The following MPDZ variants were observed in gnomAD, a reference collection of about 807,000 sequenced individuals.
MPDZ encodes multiple PDZ domain protein.
Under a neutral mutation model 239.1 loss-of-function variants are expected in MPDZ, and 234 were observed. The ratio of observed to expected loss-of-function variants is 0.98; its 90% CI spans 0.88 to 1.09. The LOEUF (loss-of-function observed/expected upper bound fraction) is 1.09. Among genes scored for constraint, MPDZ ranks in the 50% least tolerant of loss-of-function variants. The pLI is 0.00. For synonymous variants in MPDZ, 1,048 were observed against 881.3 expected, an observed-to-expected ratio of 1.19 and a Z score of -3.35; for missense variants, 3,175 against 2,510.0, an observed-to-expected ratio of 1.26 and a Z score of -5.66.
intron 12 of MPDZ, among the ~76,000 whole-genome samples, chr9:13,199,399 T>C (rs1956112902): frequency 6.6e-6 from 1 of 152,076 alleles, no homozygotes; most frequent in African/African-American, 2.4e-5. Context: ...TAACCATTTT[T>C]GGTGAACTCC....
chr9:13,166,765 T>A (rs746750301), intron 22 of MPDZ, among the ~76,000 whole-genome samples: 1 of 151,950 alleles, frequency 6.6e-6, no homozygotes, highest in Non-Finnish European at 1.5e-5. Flanking sequence ...TTCTGCTGAA[T>A]CAGTGGGAGA....
At chr9:13,126,044 G>A (rs371632831) in intron 34 of MPDZ, among the ~76,000 whole-genome samples, 2 of 152,118 alleles carry the variant, frequency 1.3e-5, no homozygotes, top group South Asian at 4.1e-4. Flanking sequence ...TAAATAAAAG[G>A]CCTCAAATGA....
chr9:13,184,792 ATTCAT>A (rs1262442218), intron 18 of MPDZ, among the ~76,000 whole-genome samples: 2 of 152,110 alleles, frequency 1.3e-5, no homozygotes, highest in East Asian at 3.9e-4. Context: ...TTAACAATCA[ATTCAT>A]TTATTTACTG....
intron 31 of MPDZ, chr9:13,134,540 T>C (rs969412716): frequency 1.1e-4 from 16 of 152,132 alleles, no homozygotes; most frequent in Non-Finnish European, 2.2e-4. Context: ...GAAAGAATGT[T>C]TCTCTTCCTA....
At chr9:13,158,137 C>A in intron 23 of MPDZ, 27 bp from the exon 24 acceptor site, 3 of 1,565,988 alleles carry the variant, frequency 1.9e-6, no homozygotes, top group Non-Finnish European at 2.6e-6. Context: ...ACAATGAGTA[C>A]CCCAAAATCC....
chr9:13,135,951 G>C, intron 31 of MPDZ, 141 bp downstream of exon 31: 1 of 573,222 alleles, frequency 1.7e-6, no homozygotes, highest in Non-Finnish European at 3.1e-6. Context: ...TCTTATACTA[G>C]GATGTACACT....
intron 24 of MPDZ, among the ~76,000 whole-genome samples, chr9:13,151,064 A>G (rs548475613): frequency 6.6e-6 from 1 of 152,024 alleles, no homozygotes; most frequent in African/African-American, 2.4e-5. Flanking sequence ...TAACATCACT[A>G]AATATTATGG....
At chr9:13,185,916 C>A (rs1425490742) in intron 18 of MPDZ, among the ~76,000 whole-genome samples, 1 of 151,894 alleles carries the variant, frequency 6.6e-6, no homozygotes, top group African/African-American at 2.4e-5. Flanking sequence ...TTAAATACAG[C>A]CAAAACAGTG....
chr9:13,154,566 G>T (rs1236723871), intron 24 of MPDZ, among the ~76,000 whole-genome samples: 1 of 152,160 alleles, frequency 6.6e-6, no homozygotes, highest in Non-Finnish European at 1.5e-5. Flanking sequence ...TCTACACAGA[G>T]TTTCTGTGAG....
At chr9:13,216,960 A>G in intron 9 of MPDZ, 98 bp from the exon 10 acceptor site, 3 of 934,682 alleles carry the variant, frequency 3.2e-6, no homozygotes, top group Non-Finnish European at 1.6e-6. Context: ...TTCAGAATAA[A>G]TACGTATCAT....
At chr9:13,202,931 G>A (rs1162986688) in intron 12 of MPDZ, among the ~76,000 whole-genome samples, 1 of 152,168 alleles carries the variant, frequency 6.6e-6, no homozygotes, top group East Asian at 1.9e-4. Context: ...GAAGAAGGAT[G>A]TGGGAGGCAC....
rs200709180 is a variant in MPDZ at position 13,114,386 on chromosome 9, T to C, written c.5467-365A>G. 7.9e-5 allele frequency among the ~76,000 whole-genome samples: 12 copies of C among 152,196 alleles called. No homozygotes were observed. In the East Asian group the frequency reaches 2.3e-3, roughly 29 times the overall value. ...GGGCCAGCTAATAGGAAACTCATGG[T>C]AGTAATTTAGAAAGTTAGTATGGGG... On this transcript the variant is annotated intron_variant, in intron 40 of 46. Transcript: ENST00000319217.
At chr9:13,198,731 C>CTG (rs1402399099) in intron 12 of MPDZ, among the ~76,000 whole-genome samples, 9 of 4,438 alleles carry the variant, frequency 2.0e-3, no homozygotes, top group Middle Eastern at 0.25. Flanking sequence ...TCTTTAATCT[C>CTG]TCTCTCTGTG....
chr9:13,147,230 T>C (rs1291982183), intron 26 of MPDZ, among the ~76,000 whole-genome samples: 2 of 152,090 alleles, frequency 1.3e-5, no homozygotes, highest in Non-Finnish European at 2.9e-5. Context: ...ACCTGAATTA[T>C]GATGCCACAT....
chr9:13,256,418 C>T (rs1227736933), intron 1 of MPDZ, among the ~76,000 whole-genome samples: 5 of 152,216 alleles, frequency 3.3e-5, no homozygotes, highest in Admixed American at 3.3e-4. Flanking sequence ...ACTTAGCTTT[C>T]AGCCTATCTC....
rs1005799919 is a variant in MPDZ at position 13,188,766 on chromosome 9, T to G, written c.2364+18A>C. On this transcript the variant is annotated intron_variant, in intron 17 of 46. Coordinates refer to ENST00000319217, the MANE Select transcript of MPDZ (RefSeq NM_001378778.1). ...TGCTTATAAATATAAAGGGAAGCAA[T>G]AAAGTCTGAATTCTTACGGGTAAAG... The G allele has an allele frequency of 1.2e-6, 2 of 1,602,218 alleles. No homozygotes were observed. The highest frequency in any genetic ancestry group is 2.7e-5 in the African/African-American group (2 of 74,604).
intron 1 of MPDZ, among the ~76,000 whole-genome samples, chr9:13,278,300 T>C (rs897261592): frequency 6.6e-6 from 1 of 152,060 alleles, no homozygotes; most frequent in Non-Finnish European, 1.5e-5. Flanking sequence ...AAAAAGGCAG[T>C]CAGTGCCCAT....
chr9:13,136,060 T>C, intron 31 of MPDZ, 32 bp downstream of exon 31: 1 of 1,393,656 alleles, frequency 7.2e-7, no homozygotes. Flanking sequence ...CAATCAAGTC[T>C]TCCCAGAGAA....
chr9:13,206,668 C>T (rs567656859), intron 10 of MPDZ, among the ~76,000 whole-genome samples: 3 of 151,948 alleles, frequency 2.0e-5, no homozygotes, highest in African/African-American at 7.3e-5. Context: ...CTCAGCCTCC[C>T]GAATAGCTGG....
Sources: gnomAD v4.1 joint callset for allele counts (sites outside exome capture counted in the v4.1 genomes callset) on GRCh38, gnomAD v4.1.1 for gene constraint, MANE v1.5 for transcripts, NCBI Gene and HGNC (gene_info 2026-07-23, HGNC 2026-07-21) for gene names.